The following RB1CC1 variants were observed in gnomAD, a reference collection of about 807,000 sequenced individuals.
RB1CC1 encodes the protein RB1 inducible coiled-coil 1.
In RB1CC1, 46 loss-of-function variants were observed where a neutral mutation model predicts 177.5. The observed-to-expected ratio is 0.26, with a 90% CI of 0.20 to 0.33. The LOEUF (loss-of-function observed/expected upper bound fraction) is 0.33. Ranked by LOEUF, RB1CC1 falls within the 10% of genes least tolerant of loss-of-function variation. The pLI is 1.00. For missense variants in RB1CC1, 1,703 were observed against 1,816.3 expected (o/e 0.94, Z 1.13); for synonymous variants, 666 against 613.6 (o/e 1.09, Z -1.26).
In RB1CC1 at chr8:52,685,440, A is replaced by G. The variant is rs1249097388; in HGVS notation, c.30T>C (p.Thr10=). 2 of 1,599,012 alleles carry G rather than the reference A, an allele frequency of 1.3e-6. No individual in the cohort carries two copies. The highest frequency in any genetic ancestry group is 1.7e-6 in the Non-Finnish European group (2 of 1,170,634). ...CAGTGTCAAATGTTAGAGTAGTTCC[A>G]GTGTTAACCAGAAATACATATAACT... The part of the protein sequence containing the change: MKLYVFLVN[T]GTTLTFDTEL... The change falls in exon 3 of 24, where the codon ACT becomes ACC. Residue 10 remains threonine, a synonymous_variant. Coordinates refer to ENST00000025008, the MANE Select transcript of RB1CC1 (RefSeq NM_014781.5).
intron 22 of RB1CC1, among the ~76,000 whole-genome samples, chr8:52,627,670 G>C (rs1402895938): frequency 6.6e-6 from 1 of 151,984 alleles, no homozygotes; most frequent in Non-Finnish European, 1.5e-5. Context: ...TATAATTTAA[G>C]AAAGTTTTTT....
intron 7 of RB1CC1, among the ~76,000 whole-genome samples, chr8:52,673,159 T>C (rs1037402273): frequency 2.6e-5 from 4 of 152,358 alleles, no homozygotes; most frequent in South Asian, 2.1e-4. Flanking sequence ...AGTTTAACTA[T>C]TTTTAACAAT....
At chr8:52,683,814 C>T in intron 4 of RB1CC1, 73 bp downstream of exon 4, 1 of 1,583,278 alleles carries the variant, frequency 6.3e-7, no homozygotes, top group Non-Finnish European at 8.6e-7. Context: ...ATAAACCTTA[C>T]TTTTGAACAC....
intron 1 of RB1CC1, among the ~76,000 whole-genome samples, chr8:52,710,471 A>T (rs1443585323): frequency 6.6e-6 from 1 of 152,198 alleles, no homozygotes; most frequent in Non-Finnish European, 1.5e-5. Flanking sequence ...GTGTACAGGA[A>T]ATATGTGTAT....
intron 18 of RB1CC1, among the ~76,000 whole-genome samples, chr8:52,636,861 C>G (rs988537158): frequency 6.6e-6 from 1 of 152,196 alleles, no homozygotes; most frequent in Non-Finnish European, 1.5e-5. Context: ...CTTCACGGAA[C>G]CGTCTCAGCA....
At chr8:52,666,141 G>C (rs1852045504) in intron 8 of RB1CC1, among the ~76,000 whole-genome samples, 1 of 151,832 alleles carries the variant, frequency 6.6e-6, no homozygotes, top group Non-Finnish European at 1.5e-5. Flanking sequence ...GTTATCCTAG[G>C]CCTCACAATA....
chr8:52,674,766 G>A (rs552591108), intron 6 of RB1CC1, among the ~76,000 whole-genome samples: 314 of 137,548 alleles, frequency 2.3e-3, no homozygotes, highest in African/African-American at 7.4e-3. Flanking sequence ...GCAAGGCTCC[G>A]TCTCAAAAAA....
At chr8:52,646,621 C>G (rs1441525317) in intron 15 of RB1CC1, among the ~76,000 whole-genome samples, 4 of 152,170 alleles carry the variant, frequency 2.6e-5, no homozygotes, top group African/African-American at 9.7e-5. Flanking sequence ...AAAGCTAAAA[C>G]TGAAAAGCGC....
In RB1CC1 at chr8:52,657,791, A is replaced by C; in HGVS notation, c.2038T>G (p.Leu680Val). 6.2e-7 allele frequency: 1 copy of C among 1,613,888 alleles called. No individual in the cohort carries two copies. The highest frequency in any genetic ancestry group is 1.1e-5 in the South Asian group (1 of 91,068). Residue 680 changes from leucine to valine, a missense_variant, in exon 15 of 24, where the codon TTA (leucine) becomes GTA (valine). Coordinates refer to ENST00000025008, the MANE Select transcript of RB1CC1 (RefSeq NM_014781.5). ...TPPPLTVQDPLCPAVCPLEEL... is the reference protein window; with the variant it reads ...TPPPLTVQDPVCPAVCPLEEL... The stretch of plus-strand genomic sequence containing the variant: ...TCTAAGGGACAAACTGCAGGACATA[A>C]GGGATCCTGAACAGTCAGTGGTGGA...
chr8:52,665,915 C>T (rs528856814), intron 8 of RB1CC1, among the ~76,000 whole-genome samples: 33 of 152,210 alleles, frequency 2.2e-4, no homozygotes, highest in African/African-American at 7.2e-4. Context: ...CCAGAGCCAG[C>T]CAAGGGAAGG....
intron 3 of RB1CC1, among the ~76,000 whole-genome samples, chr8:52,684,653 TAACA>T (rs1185591035): frequency 2.0e-5 from 3 of 152,168 alleles, no homozygotes; most frequent in East Asian, 1.9e-4. Context: ...TTTCTCTCCT[TAACA>T]AACAAAATAA....
At chr8:52,702,801 A>C (rs771757542) in intron 1 of RB1CC1, among the ~76,000 whole-genome samples, 2 of 152,180 alleles carry the variant, frequency 1.3e-5, no homozygotes, top group African/African-American at 4.8e-5. Flanking sequence ...CCATTCTCTA[A>C]TCTGTAAATG....
At chr8:52,707,698 C>A (rs1161841633) in intron 1 of RB1CC1, among the ~76,000 whole-genome samples, 1 of 152,106 alleles carries the variant, frequency 6.6e-6, no homozygotes, top group African/African-American at 2.4e-5. Flanking sequence ...CTTACTGTTG[C>A]CTACAGCAGG....
intron 3 of RB1CC1, 99 bp downstream of exon 3, chr8:52,685,300 G>C (rs565335278): frequency 7.8e-6 from 7 of 897,682 alleles, no homozygotes; most frequent in Non-Finnish European, 1.2e-5. Context: ...TACCGCACCC[G>C]GCCGCCATTA....
chr8:52,630,525 A>G lies in RB1CC1; in HGVS notation c.4444T>C (p.Ser1482Pro). 6.4e-7 allele frequency: 1 copy of G among 1,555,582 alleles called. No individual in the cohort carries two copies. The highest frequency in any genetic ancestry group is 8.6e-7 in the Non-Finnish European group (1 of 1,156,110). The part of the protein sequence containing the change: ...ENKRLNQRLM[S>P]QSMSSVSSRH... Reference sequence around the variant, plus strand: ...GAAGATACTGAAGACATGCTCTGAGACATCTAAAAAAAAAAAAAAAGTTTA... The same window carrying G: ...GAAGATACTGAAGACATGCTCTGAGGCATCTAAAAAAAAAAAAAAAGTTTA... Residue 1482 changes from serine to proline, a missense_variant, in exon 21 of 24, where the codon TCT (serine) becomes CCT (proline). By Grantham distance (74) the Ser-to-Pro change is moderately conservative. Around this residue, in one of 6 missense-constraint regions of RB1CC1, gnomAD observed 1,169 missense variants for 1,184.7 expected, o/e 0.99. Coordinates refer to ENST00000025008, the MANE Select transcript of RB1CC1 (RefSeq NM_014781.5).
intron 1 of RB1CC1, among the ~76,000 whole-genome samples, 176 bp downstream of exon 1, chr8:52,713,899 G>C (rs1455354051): frequency 6.6e-6 from 1 of 152,160 alleles, no homozygotes; most frequent in East Asian, 1.9e-4. Flanking sequence ...CGGCCAGTGG[G>C]CAACACCTGC....
intron 5 of RB1CC1, among the ~76,000 whole-genome samples, chr8:52,681,321 G>T (rs1169213562): frequency 6.6e-6 from 1 of 152,058 alleles, no homozygotes; most frequent in Non-Finnish European, 1.5e-5. Flanking sequence ...TGTTCATTGT[G>T]AAAATTCACT....
At chr8:52,649,898 A>C (rs1029723929) in intron 15 of RB1CC1, among the ~76,000 whole-genome samples, 2 of 152,246 alleles carry the variant, frequency 1.3e-5, no homozygotes, top group African/African-American at 4.8e-5. Context: ...ATTCCAAATT[A>C]AATAGAAGAT....
intron 8 of RB1CC1, among the ~76,000 whole-genome samples, chr8:52,662,037 C>G (rs1206810715): frequency 6.6e-6 from 1 of 151,956 alleles, no homozygotes. Flanking sequence ...ATAACACTAT[C>G]GGTCAGTCAC....
Sources: gnomAD v4.1 joint callset for allele counts (sites outside exome capture counted in the v4.1 genomes callset) on GRCh38, gnomAD v4.1.1 for gene constraint, gnomAD v4.1.1 regional missense constraint, MANE v1.5 for transcripts, NCBI Gene and HGNC (gene_info 2026-07-23, HGNC 2026-07-21) for gene names.